Variants in DPYSL3 observed in about 807,000 individuals in gnomAD.
DPYSL3 encodes dihydropyrimidinase like 3, also known as dihydropyrimidinase-related protein 3.
Under a neutral mutation model 66.1 loss-of-function variants are expected in DPYSL3, and 16 were observed. That is an observed-to-expected ratio of 0.24 (90% CI 0.16 to 0.37). The LOEUF is 0.37. Ranked by LOEUF, DPYSL3 falls within the 10% of genes least tolerant of loss-of-function variation. The pLI, the probability that DPYSL3 is intolerant of heterozygous loss-of-function variation, is 1.00. For synonymous variants in DPYSL3, 338 were observed against 345.1 expected (o/e 0.98, Z 0.23); for missense variants, 738 against 916.2 (o/e 0.81, Z 2.51).
intron 1 of DPYSL3, chr5:147,453,983 C>T (rs879161625): frequency 8.5e-5 from 14 of 164,186 alleles, no homozygotes; most frequent in East Asian, 3.0e-4. Context: ...CTTTTTCTTT[C>T]TTTTTTTTTT....
In DPYSL3 at chr5:147,395,731, G is replaced by C; in HGVS notation, c.1804-10C>G. 6.2e-7 allele frequency: 1 copy of C among 1,613,428 alleles called. No homozygotes were observed. The highest frequency in any genetic ancestry group is 8.5e-7 in the Non-Finnish European group (1 of 1,179,990). On this transcript the variant is annotated splice_polypyrimidine_tract_variant and intron_variant, in intron 12 of 13. Transcript: ENST00000343218. The stretch of plus-strand genomic sequence containing the variant: ...CATGCAGGTCTGCCATCTGCAGCCA[G>C]AGAAGAGCATGTCACCATTCATTCA...
intron 2 of DPYSL3, among the ~76,000 whole-genome samples, chr5:147,424,077 G>A (rs1752142809): frequency 6.6e-6 from 1 of 152,084 alleles, no homozygotes; most frequent in Non-Finnish European, 1.5e-5. Flanking sequence ...CTAGACTTGG[G>A]GGCTGGTAAA....
At chr5:147,408,588 C>A in intron 7 of DPYSL3, 140 bp downstream of exon 7, 2 of 796,398 alleles carry the variant, frequency 2.5e-6, no homozygotes, top group East Asian at 2.5e-5. Flanking sequence ...AATTTTCTCA[C>A]GGGCTCCTGA....
intron 1 of DPYSL3, among the ~76,000 whole-genome samples, chr5:147,473,532 AGAAATGGTGAAT>A (rs1188434596): frequency 5.3e-5 from 8 of 152,190 alleles, no homozygotes; most frequent in Non-Finnish European, 8.8e-5. Context: ...AATAAACTTG[AGAAATGGTGAAT>A]GAAATGTTAT....
At chr5:147,490,322 A>G (rs1309385893) in intron 1 of DPYSL3, among the ~76,000 whole-genome samples, 1 of 152,236 alleles carries the variant, frequency 6.6e-6, no homozygotes, top group Admixed American at 6.5e-5. Context: ...CACAAAGGTT[A>G]TCTAGAAGAA....
chr5:147,395,743 T>TCA, intron 12 of DPYSL3, 22 bp from the exon 13 acceptor site: 1 of 1,612,348 alleles, frequency 6.2e-7, no homozygotes, highest in Non-Finnish European at 8.5e-7. Flanking sequence ...GAAGAGCATG[T>TCA]CACCATTCAT....
At chr5:147,477,552 C>T (rs1356107279) in intron 1 of DPYSL3, among the ~76,000 whole-genome samples, 11 of 126,032 alleles carry the variant, frequency 8.7e-5, no homozygotes, top group African/African-American at 3.1e-4. Flanking sequence ...AAAATAAAAA[C>T]ACCTAAATCT....
intron 1 of DPYSL3, among the ~76,000 whole-genome samples, chr5:147,473,694 T>C (rs1753115581): frequency 1.3e-5 from 2 of 152,290 alleles, no homozygotes; most frequent in South Asian, 4.1e-4. Context: ...CACTTCTTGC[T>C]GAGCTCTTCT....
At chr5:147,424,486 C>T (rs780746449) in intron 2 of DPYSL3, among the ~76,000 whole-genome samples, 8 of 152,188 alleles carry the variant, frequency 5.3e-5, no homozygotes, top group Non-Finnish European at 1.0e-4. Flanking sequence ...CCATCTAAGT[C>T]CTATCCTTAA....
At chr5:147,422,098 C>T (rs1390731591) in intron 2 of DPYSL3, among the ~76,000 whole-genome samples, 1 of 152,022 alleles carries the variant, frequency 6.6e-6, no homozygotes, top group Non-Finnish European at 1.5e-5. Context: ...GCAATCTATC[C>T]ATCTGACAAA....
chr5:147,395,771 G>A (rs1474364073), intron 12 of DPYSL3, 50 bp from the exon 13 acceptor site: 6 of 1,604,682 alleles, frequency 3.7e-6, no homozygotes, highest in Non-Finnish European at 4.2e-6. Flanking sequence ...GCATTTTAGG[G>A]TCTGTTCTAG....
At position 147,397,799 on chromosome 5, in the gene DPYSL3, G is replaced by A; in HGVS notation, c.1670C>T (p.Pro557Leu). The change falls in exon 12 of 14, where the codon CCT (proline) becomes CTT (leucine). Residue 557 changes from proline to leucine, a missense_variant. Coordinates refer to ENST00000343218, the MANE Select transcript of DPYSL3 (RefSeq NM_001197294.2). ...CTTGCCCTGGCAGATGACAACCAGAGGAGCCCCGCGCAGCTCCATCCCTTC... is the reference window on the plus strand; with the variant it reads ...CTTGCCCTGGCAGATGACAACCAGAAGAGCCCCGCGCAGCTCCATCCCTTC... The part of the protein sequence containing the change: ...IFEGMELRGA[P>L]LVVICQGKIM... 1 of 1,613,980 alleles carries A rather than the reference G, an allele frequency of 6.2e-7. No homozygotes were observed. The highest frequency in any genetic ancestry group is 8.5e-7 in the Non-Finnish European group (1 of 1,180,018).
At chr5:147,425,920 G>A (rs1752187138) in intron 1 of DPYSL3, among the ~76,000 whole-genome samples, 1 of 152,086 alleles carries the variant, frequency 6.6e-6, no homozygotes, top group Non-Finnish European at 1.5e-5. Flanking sequence ...GAGTCTGGCT[G>A]AGTGTAGCTA....
intron 1 of DPYSL3, among the ~76,000 whole-genome samples, chr5:147,439,940 A>T (rs1752500541): frequency 6.6e-6 from 1 of 152,242 alleles, no homozygotes; most frequent in South Asian, 2.1e-4. Context: ...ACTTTAAAAC[A>T]GTGAGAAGGC....
intron 13 of DPYSL3, 34 bp from the exon 14 acceptor site, chr5:147,394,157 A>G: frequency 6.2e-7 from 1 of 1,609,352 alleles, no homozygotes; most frequent in East Asian, 2.2e-5. Flanking sequence ...GGGGGAAAAA[A>G]AAAACAGAGT....
At chr5:147,415,543 A>G (rs563353365) in intron 4 of DPYSL3, among the ~76,000 whole-genome samples, 166 bp downstream of exon 4, 3 of 152,262 alleles carry the variant, frequency 2.0e-5, no homozygotes, top group Non-Finnish European at 2.9e-5. Context: ...GGATCCTGTA[A>G]GAAGTAAATA....
chr5:147,418,374 G>C (rs1055431220), intron 3 of DPYSL3, 73 bp downstream of exon 3: 2 of 1,411,202 alleles, frequency 1.4e-6, no homozygotes, highest in Non-Finnish European at 9.6e-7. Context: ...TATAGTAAGA[G>C]AGTTCTGGAG....
chr5:147,499,423 A>T (rs1241408767), intron 1 of DPYSL3, among the ~76,000 whole-genome samples: 1 of 152,176 alleles, frequency 6.6e-6, no homozygotes, highest in East Asian at 1.9e-4. Flanking sequence ...TGAAATACTT[A>T]GGTATAAATC....
intron 1 of DPYSL3, among the ~76,000 whole-genome samples, chr5:147,505,269 G>A (rs1242441171): frequency 4.6e-5 from 7 of 151,598 alleles, no homozygotes; most frequent in Non-Finnish European, 8.8e-5. Flanking sequence ...GAGTCTCACT[G>A]TGTTGCCCAG....
Sources: allele counts gnomAD v4.1 joint callset (sites outside exome capture counted in the v4.1 genomes callset), GRCh38; gene constraint gnomAD v4.1.1; transcripts MANE v1.5; gene names NCBI Gene and HGNC (gene_info 2026-07-23, HGNC 2026-07-21).